ABCB7: variants seen among roughly 807,000 people sequenced by gnomAD.
ABCB7 encodes the protein iron-sulfur clusters transporter ABCB7, mitochondrial.
Under a neutral mutation model 54.4 loss-of-function variants are expected in ABCB7, and 7 were observed. The observed-to-expected ratio is 0.13, with a 90% confidence interval of 0.07 to 0.24. The LOEUF is 0.24. ABCB7 is among the 10% of genes least tolerant of loss of function. The pLI is 1.00. For synonymous variants in ABCB7, 218 were observed against 207.1 expected, an observed-to-expected ratio of 1.05 and a Z score of -0.45; for missense variants, 356 against 570.4, an observed-to-expected ratio of 0.62 and a Z score of 3.83.
At chrX:75,084,683 T>C (rs1301156544) in intron 4 of ABCB7, among the ~76,000 whole-genome samples, 1 of 111,330 alleles carries the variant, frequency 9.0e-6, no homozygotes, top group Non-Finnish European at 1.9e-5. Context: ...ATTAAGGGGA[T>C]TAAAAAACAA....
At chrX:75,086,304 A>C (rs917285566) in intron 4 of ABCB7, among the ~76,000 whole-genome samples, 1 of 112,031 alleles carries the variant, frequency 8.9e-6, no homozygotes, top group African/African-American at 3.2e-5. Context: ...ACACTAACTG[A>C]AGAAGAGAGT....
At chrX:75,150,606 T>C (rs1387725383) in intron 1 of ABCB7, among the ~76,000 whole-genome samples, 2 of 111,284 alleles carry the variant, frequency 1.8e-5, no homozygotes, top group Non-Finnish European at 3.8e-5. Flanking sequence ...CATGTGGGAT[T>C]GTAGATATCT....
At chrX:75,131,255 C>T (rs935212640) in intron 1 of ABCB7, among the ~76,000 whole-genome samples, 10 of 108,661 alleles carry the variant, frequency 9.2e-5, no homozygotes, top group Non-Finnish European at 1.7e-4. Flanking sequence ...ATTTTCAAAG[C>T]ATTGAAAGGA....
chrX:75,107,307 G>C (rs1233994972), intron 3 of ABCB7, among the ~76,000 whole-genome samples: 1 of 111,368 alleles, frequency 9.0e-6, no homozygotes, highest in Non-Finnish European at 1.9e-5. Context: ...GTGAGCCCTA[G>C]TACCGAACTG....
In ABCB7 at chrX:75,073,875, G is replaced by C; in HGVS notation, c.937C>G (p.Arg313Gly). ...TYTAFTVAVT[R>G]WRTRFRIEMN... Reference sequence around the variant, plus strand: ...TTCTAGGGAATAAATTACCTCCACCGTGTGACTGCAACTGTGAATGCTGTG... The same window carrying C: ...TTCTAGGGAATAAATTACCTCCACCCTGTGACTGCAACTGTGAATGCTGTG... The change falls in exon 7 of 16, where the codon CGG (arginine) becomes GGG (glycine). Residue 313 changes from arginine (R) to glycine (G), a missense_variant. This residue lies in a region of ABCB7 where 241 missense variants were observed against 470.9 expected (regional missense o/e 0.51). Transcript: ENST00000373394. The C allele has an allele frequency of 8.3e-7, 1 of 1,208,365 alleles. No individual in the cohort carries two copies. The highest frequency in any genetic ancestry group is 1.1e-6 in the Non-Finnish European group (1 of 892,526).
At position 75,151,853 on chromosome X, in the gene ABCB7, A is replaced by G. The variant is rs1318967904; in HGVS notation, c.168+4252T>C. ...TACCAAGTTATGCCCTTTGCACACC[A>G]GTTATTTCATTATTTTTAACATTTA... is the stretch of plus-strand genomic sequence containing the variant. On this transcript the variant is annotated intron_variant, in intron 1 of 15. Transcript: ENST00000373394. Among the ~76,000 whole-genome samples, 5 of 112,071 alleles carry G rather than the reference A, an allele frequency of 4.5e-5. No homozygotes were observed. In the East Asian group the frequency reaches 8.4e-4, roughly 19 times the overall value.
At chrX:75,108,084 G>A (rs930714857) in intron 3 of ABCB7, among the ~76,000 whole-genome samples, 2 of 111,273 alleles carry the variant, frequency 1.8e-5, no homozygotes, top group African/African-American at 6.6e-5. Context: ...GACCTGTGGT[G>A]GCTGTGGCTA....
chrX:75,142,824 G>C (rs1266143846), intron 1 of ABCB7, among the ~76,000 whole-genome samples: 1 of 112,326 alleles, frequency 8.9e-6, no homozygotes, highest in Non-Finnish European at 1.9e-5. Context: ...TTCCTGGAGG[G>C]CAAGGCTGTT....
chrX:75,137,490 A>C (rs2082018760), intron 1 of ABCB7, among the ~76,000 whole-genome samples: 1 of 112,535 alleles, frequency 8.9e-6, no homozygotes, highest in African/African-American at 3.2e-5. Context: ...AAAGAACTTA[A>C]AACAGAATTA....
chrX:75,151,862 ATTATTT>A (rs1181424019), intron 1 of ABCB7, among the ~76,000 whole-genome samples: 1 of 111,977 alleles, frequency 8.9e-6, no homozygotes, highest in Admixed American at 9.5e-5. Context: ...CAGTTATTTC[ATTATTT>A]TTAACATTTA....
intron 4 of ABCB7, among the ~76,000 whole-genome samples, chrX:75,092,238 T>C (rs764391728): frequency 1.8e-5 from 2 of 110,712 alleles, no homozygotes; most frequent in Non-Finnish European, 3.8e-5. Context: ...AATAGATCAA[T>C]GGAAATAGAA....
intron 4 of ABCB7, among the ~76,000 whole-genome samples, chrX:75,080,494 G>A (rs1428946169): frequency 6.3e-5 from 7 of 110,630 alleles, no homozygotes; most frequent in African/African-American, 1.6e-4. Context: ...TGGTAGACAC[G>A]GGGTTTCACC....
intron 1 of ABCB7, among the ~76,000 whole-genome samples, chrX:75,132,880 G>A (rs1341570514): frequency 2.7e-5 from 3 of 111,817 alleles, no homozygotes; most frequent in Non-Finnish European, 5.6e-5. Flanking sequence ...CCACACAGAT[G>A]AGAAAGAACC....
In ABCB7 at chrX:75,127,403, G is replaced by A. The variant is rs191062401; in HGVS notation, c.169-12572C>T. 7.2e-3 allele frequency among the ~76,000 whole-genome samples: 799 copies of A among 111,397 alleles called. 3 individuals are homozygous for A. The highest frequency in any genetic ancestry group is 0.012 in the Non-Finnish European group (632 of 53,047). ...TCAATAAACTAGGTATTGATGGAAC[G>A]CATCTCAAAATAATAAGAACTATTT... On this transcript the variant is annotated intron_variant, in intron 1 of 15. Transcript: ENST00000373394.
chrX:75,126,342 T>C, intron 1 of ABCB7, among the ~76,000 whole-genome samples: 1 of 111,926 alleles, frequency 8.9e-6, no homozygotes. Context: ...AATAAGTAAG[T>C]TCTTTGAAAC....
In ABCB7 at chrX:75,081,327, G is replaced by C. The variant is rs141974220; in HGVS notation, c.454-4673C>G. On this transcript the variant is annotated intron_variant, in intron 4 of 15. Coordinates refer to ENST00000373394, the MANE Select transcript of ABCB7 (RefSeq NM_001271696.3). ...ATATTTATGAACATGCTTGAAATAA[G>C]TGAAAAAATAGAAGACTCAGGAAAT... 1.6e-4 allele frequency among the ~76,000 whole-genome samples: 18 copies of C among 111,317 alleles called. No individual in the cohort carries two copies. In the East Asian group the frequency reaches 5.1e-3, roughly 31 times the overall value.
chrX:75,094,259 A>G (rs1227050844), intron 4 of ABCB7, among the ~76,000 whole-genome samples: 1 of 109,791 alleles, frequency 9.1e-6, no homozygotes, highest in Non-Finnish European at 1.9e-5. Flanking sequence ...TCTGTCGACT[A>G]AGTGGTTTCC....
At chrX:75,057,757 A>G (rs1053177915) in intron 15 of ABCB7, among the ~76,000 whole-genome samples, 6 of 105,455 alleles carry the variant, frequency 5.7e-5, no homozygotes, top group Non-Finnish European at 9.6e-5. Context: ...TCTCAAATAC[A>G]AATATCTTTT....
intron 1 of ABCB7, among the ~76,000 whole-genome samples, chrX:75,116,645 G>T (rs1313093516): frequency 9.0e-6 from 1 of 111,119 alleles, no homozygotes; most frequent in East Asian, 2.8e-4. Context: ...TTGCTTCTCG[G>T]GTCAAGTGTC....
Sources: gnomAD v4.1 joint callset for allele counts (sites outside exome capture counted in the v4.1 genomes callset) on GRCh38, gnomAD v4.1.1 for gene constraint, gnomAD v4.1.1 regional missense constraint, MANE v1.5 for transcripts, NCBI Gene and HGNC (gene_info 2026-07-23, HGNC 2026-07-21) for gene names.